Variants in ANKFN1 observed in about 807,000 individuals in gnomAD.
The protein encoded by ANKFN1 is ankyrin repeat and fibronectin type III domain containing 1.
Under a neutral mutation model 108.7 loss-of-function variants are expected in ANKFN1, and 74 were observed. The observed-to-expected ratio is 0.68, with a 90% CI of 0.56 to 0.83. The LOEUF is 0.83. Ranked by LOEUF, ANKFN1 falls within the 40% of genes least tolerant of loss-of-function variation. The pLI is 0.00. For missense variants in ANKFN1, 1,505 were observed against 1,382.3 expected, an observed-to-expected ratio of 1.09 and a Z score of -1.41; for synonymous variants, 547 against 516.2, an observed-to-expected ratio of 1.06 and a Z score of -0.81.
At chr17:56,276,421 C>A (rs1464730965) in intron 3 of ANKFN1, among the ~76,000 whole-genome samples, 1 of 152,154 alleles carries the variant, frequency 6.6e-6, no homozygotes, top group Non-Finnish European at 1.5e-5. Flanking sequence ...CTTGAGGAAT[C>A]GCCACACTGT....
intron 8 of ANKFN1, among the ~76,000 whole-genome samples, chr17:56,414,387 C>A (rs1202318626): frequency 1.3e-5 from 2 of 152,138 alleles, no homozygotes; most frequent in Non-Finnish European, 2.9e-5. Flanking sequence ...CTTCCAAACT[C>A]ATTCTACAAG....
At chr17:56,191,948 CTTCATTTCA>C (rs1235894685) in intron 1 of ANKFN1, among the ~76,000 whole-genome samples, 1 of 151,832 alleles carries the variant, frequency 6.6e-6, no homozygotes, top group Non-Finnish European at 1.5e-5. Context: ...TCCCTTCTCG[CTTCATTTCA>C]TTCATTTCAT....
intron 4 of ANKFN1, among the ~76,000 whole-genome samples, chr17:56,335,079 G>T (rs566326420): frequency 6.6e-6 from 1 of 152,162 alleles, no homozygotes; most frequent in Admixed American, 6.6e-5. Flanking sequence ...TGTTCCATTG[G>T]TCTATATCAC....
At chr17:56,325,970 C>G (rs73991470) in intron 3 of ANKFN1, among the ~76,000 whole-genome samples, 5,332 of 152,246 alleles carry the variant, frequency 0.035, 304 homozygotes, top group African/African-American at 0.12. Flanking sequence ...ATGGTCCTCA[C>G]GGATACAATA....
At chr17:56,424,035 A>G (rs1430801052) in intron 8 of ANKFN1, among the ~76,000 whole-genome samples, 3 of 152,232 alleles carry the variant, frequency 2.0e-5, no homozygotes, top group African/African-American at 7.2e-5. Context: ...AAATAAAAGG[A>G]GAATTTAGTC....
chr17:56,420,865 G>A (rs1302637732), intron 8 of ANKFN1, among the ~76,000 whole-genome samples: 1 of 151,688 alleles, frequency 6.6e-6, no homozygotes, highest in Non-Finnish European at 1.5e-5. Flanking sequence ...CCGCCACCGC[G>A]CCCGGCTAAT....
chr17:56,157,629 G>A (rs961467826), intron 1 of ANKFN1, among the ~76,000 whole-genome samples: 1 of 152,192 alleles, frequency 6.6e-6, no homozygotes, highest in African/African-American at 2.4e-5. Context: ...CTTGGCTTCA[G>A]GTGTTTGGAT....
intron 19 of ANKFN1, 21 bp downstream of exon 19, chr17:56,492,374 G>A (rs2051068771): frequency 2.9e-6 from 2 of 696,864 alleles, no homozygotes; most frequent in Non-Finnish European, 5.3e-6. Context: ...GTTCCTTCTG[G>A]GGTAAAAGGA....
At chr17:56,426,738 G>T (rs1301179607) in intron 8 of ANKFN1, among the ~76,000 whole-genome samples, 2 of 152,152 alleles carry the variant, frequency 1.3e-5, no homozygotes, top group Non-Finnish European at 2.9e-5. Context: ...CATATATCTT[G>T]CTTATAACAT....
intron 8 of ANKFN1, among the ~76,000 whole-genome samples, chr17:56,389,804 T>G (rs140089590): frequency 2.0e-5 from 3 of 152,126 alleles, no homozygotes; most frequent in African/African-American, 7.2e-5. Context: ...GAGATATGAG[T>G]TCCTTGAAGG....
At chr17:56,278,734 G>T (rs1012941577) in intron 3 of ANKFN1, among the ~76,000 whole-genome samples, 6 of 152,204 alleles carry the variant, frequency 3.9e-5, no homozygotes, top group African/African-American at 7.2e-5. Flanking sequence ...CAGCTTGAAA[G>T]ACATCTTAAA....
intron 1 of ANKFN1, among the ~76,000 whole-genome samples, chr17:56,198,801 C>T (rs182368458): frequency 1.3e-5 from 2 of 152,176 alleles, no homozygotes; most frequent in African/African-American, 4.8e-5. Context: ...TTTCTGGGCT[C>T]TCAGCTCCAT....
At chr17:56,345,742 T>C (rs1414256936) in intron 4 of ANKFN1, among the ~76,000 whole-genome samples, 1 of 152,186 alleles carries the variant, frequency 6.6e-6, no homozygotes, top group East Asian at 1.9e-4. Context: ...TGGGGTTGTT[T>C]TTTTCTTGTA....
intron 3 of ANKFN1, among the ~76,000 whole-genome samples, chr17:56,250,488 C>T (rs1598302839): frequency 6.6e-6 from 1 of 152,230 alleles, no homozygotes; most frequent in Admixed American, 6.5e-5. Context: ...ATGATTATTA[C>T]ATCATTAACC....
intron 3 of ANKFN1, among the ~76,000 whole-genome samples, chr17:56,268,909 T>A (rs2043722731): frequency 1.3e-5 from 2 of 152,306 alleles, no homozygotes; most frequent in Admixed American, 6.5e-5. Flanking sequence ...CCTGGAGATT[T>A]AAGATAAATA....
intron 4 of ANKFN1, among the ~76,000 whole-genome samples, chr17:56,072,248 G>T (rs1314504362): frequency 6.6e-6 from 1 of 151,826 alleles, no homozygotes; most frequent in African/African-American, 2.4e-5. Context: ...TCAGTAAATT[G>T]GCTTCTAGTT....
chr17:56,183,735 C>G (rs1295045429), intron 1 of ANKFN1, among the ~76,000 whole-genome samples: 1 of 152,120 alleles, frequency 6.6e-6, no homozygotes, highest in African/African-American at 2.4e-5. Flanking sequence ...TATACATTAC[C>G]CAGTCTCAGG....
intron 9 of ANKFN1, 59 bp downstream of exon 9, chr17:56,440,483 A>C (rs1215872470): frequency 1.4e-6 from 2 of 1,418,832 alleles, no homozygotes; most frequent in African/African-American, 2.8e-5. Flanking sequence ...CTGGGATATC[A>C]GTAGCAAATG....
chr17:56,461,318 A>C (rs1771947631), intron 14 of ANKFN1, among the ~76,000 whole-genome samples: 2 of 152,184 alleles, frequency 1.3e-5, no homozygotes, highest in Admixed American at 6.5e-5. Flanking sequence ...CACAAAACCT[A>C]GATCTAGTCA....
Sources: gnomAD v4.1 joint callset for allele counts (sites outside exome capture counted in the v4.1 genomes callset) on GRCh38, gnomAD v4.1.1 for gene constraint, MANE v1.5 for transcripts, NCBI Gene and HGNC (gene_info 2026-07-23, HGNC 2026-07-21) for gene names.